The following HEPHL1 variants were observed in gnomAD, a reference collection of about 807,000 sequenced individuals.
The protein encoded by HEPHL1 is ferroxidase HEPHL1.
HEPHL1 carries 123 observed loss-of-function variants against 122.0 expected under a neutral mutation model. The ratio of observed to expected loss-of-function variants is 1.01; its 90% CI spans 0.87 to 1.17. The LOEUF is 1.17. Among genes scored for constraint, HEPHL1 ranks in the 50% most tolerant of loss-of-function variants. The probability of loss-of-function intolerance (pLI) is 0.00; values close to 1 mark genes in which losing one functional copy is unlikely to be tolerated. For synonymous variants in HEPHL1, 527 were observed against 508.9 expected (o/e 1.04, Z -0.48); for missense variants, 1,452 against 1,430.5 (o/e 1.01, Z -0.24).
At chr11:94,037,814 T>C (rs1310859908) in intron 1 of HEPHL1, among the ~76,000 whole-genome samples, 1 of 151,686 alleles carries the variant, frequency 6.6e-6, no homozygotes, top group Non-Finnish European at 1.5e-5. Context: ...GCAGAGCGCC[T>C]CTCCTCCTCC....
At chr11:94,072,919 C>A in intron 6 of HEPHL1, 106 bp from the exon 7 acceptor site, 3 of 1,020,740 alleles carry the variant, frequency 2.9e-6, no homozygotes, top group Non-Finnish European at 4.3e-6. Context: ...TTTCTGGGGA[C>A]ATGGGTGGGC....
chr11:94,037,204 G>A (rs539166435), intron 1 of HEPHL1, among the ~76,000 whole-genome samples: 2 of 152,326 alleles, frequency 1.3e-5, no homozygotes, highest in South Asian at 4.1e-4. Context: ...CCCGCACCTG[G>A]CTCAGAGGGT....
intron 17 of HEPHL1, among the ~76,000 whole-genome samples, chr11:94,108,840 C>T (rs1413800771): frequency 1.3e-5 from 2 of 152,036 alleles, no homozygotes; most frequent in Non-Finnish European, 2.9e-5. Context: ...ATTGTTTTAG[C>T]TATTCTAGAT....
chr11:94,032,222 T>C (rs1229085454), intron 1 of HEPHL1, among the ~76,000 whole-genome samples: 1 of 152,200 alleles, frequency 6.6e-6, no homozygotes, highest in Non-Finnish European at 1.5e-5. Context: ...CAGTGGCCTT[T>C]AGATCTGAGA....
At chr11:94,101,998 G>A (rs1234656110) in intron 14 of HEPHL1, among the ~76,000 whole-genome samples, 1 of 152,130 alleles carries the variant, frequency 6.6e-6, no homozygotes, top group Admixed American at 6.5e-5. Context: ...TGTTATAATT[G>A]TCATATTTTA....
chr11:94,101,432 C>T (rs1463689925), intron 14 of HEPHL1, 97 bp downstream of exon 14: 1 of 1,198,288 alleles, frequency 8.3e-7, no homozygotes, highest in Non-Finnish European at 1.2e-6. Context: ...ATCTTAATGT[C>T]AATGTGTTTC....
chr11:94,086,686 C>T (rs985678842), intron 11 of HEPHL1, among the ~76,000 whole-genome samples: 4 of 152,088 alleles, frequency 2.6e-5, no homozygotes, highest in Non-Finnish European at 5.9e-5. Flanking sequence ...TGTTGGGCAC[C>T]CTTGGTTTCC....
intron 2 of HEPHL1, 30 bp downstream of exon 2, chr11:94,045,947 T>C (rs1013293606): frequency 2.1e-5 from 33 of 1,600,156 alleles, no homozygotes; most frequent in Non-Finnish European, 2.6e-5. Context: ...TACTGGGGTC[T>C]TGTCTCTATT....
chr11:94,033,816 A>G (rs1046515635), intron 1 of HEPHL1, among the ~76,000 whole-genome samples: 2 of 152,198 alleles, frequency 1.3e-5, no homozygotes, highest in African/African-American at 4.8e-5. Flanking sequence ...GGATGTTTAA[A>G]GGGGTATTGT....
chr11:94,093,551 A>G lies in HEPHL1; in HGVS notation c.2345A>G (p.Tyr782Cys), dbSNP rs1322428077. 1 of 1,613,790 alleles carries G rather than the reference A, an allele frequency of 6.2e-7. No homozygotes were observed. Among genetic ancestry groups the G allele is most frequent in the South Asian group, 1.1e-5 (1 of 91,072 alleles). ...ACTGAAAATTGGATTGGCTCTCAGT[A>G]CAAGAAGGTGGTTTACAGGGAATAT... ...NRTENWIGSQ[Y>C]KKVVYREYTD... Residue 782 changes from tyrosine (Y) to cysteine (C), a missense_variant, in exon 13 of 20, where the codon TAC becomes TGC. Tyr to Cys is a radical substitution (Grantham distance 194). Coordinates refer to ENST00000315765, the MANE Select transcript of HEPHL1 (RefSeq NM_001098672.2).
intron 10 of HEPHL1, 120 bp downstream of exon 10, chr11:94,082,688 T>G: frequency 1.1e-6 from 1 of 905,414 alleles, no homozygotes; most frequent in Non-Finnish European, 1.6e-6. Flanking sequence ...TGGTCATGAG[T>G]AAGTTATTTC....
chr11:94,034,647 G>A (rs1432923085), intron 1 of HEPHL1, among the ~76,000 whole-genome samples: 1 of 152,186 alleles, frequency 6.6e-6, no homozygotes, highest in Non-Finnish European at 1.5e-5. Flanking sequence ...AAAGAAGGGA[G>A]AGCAATGCAG....
At chr11:94,077,336 A>G (rs1043367494) in intron 9 of HEPHL1, among the ~76,000 whole-genome samples, 1 of 152,118 alleles carries the variant, frequency 6.6e-6, no homozygotes, top group African/African-American at 2.4e-5. Flanking sequence ...CATGCATTGC[A>G]TTGAGCTGTC....
intron 2 of HEPHL1, chr11:94,055,964 G>T: frequency 7.6e-7 from 1 of 1,312,212 alleles, no homozygotes; most frequent in Middle Eastern, 2.7e-4. Flanking sequence ...CTAACACTTT[G>T]GCAGCCATGT....
At chr11:94,037,049 T>A (rs1445496840) in intron 1 of HEPHL1, among the ~76,000 whole-genome samples, 1 of 152,132 alleles carries the variant, frequency 6.6e-6, no homozygotes, top group Non-Finnish European at 1.5e-5. Context: ...AGGCATTGCC[T>A]CACCTGGGAA....
At chr11:94,110,427 G>A (rs796489830) in intron 17 of HEPHL1, among the ~76,000 whole-genome samples, 17 of 152,152 alleles carry the variant, frequency 1.1e-4, no homozygotes, top group Non-Finnish European at 2.4e-4. Context: ...TTACTGATAT[G>A]GTTGTTAACT....
chr11:94,077,050 T>G (rs1427071712), intron 9 of HEPHL1, among the ~76,000 whole-genome samples: 2 of 152,206 alleles, frequency 1.3e-5, no homozygotes, highest in East Asian at 3.8e-4. Context: ...TCATCAACAT[T>G]TGATCTCATT....
At chr11:94,059,938 T>G (rs531301957) in intron 2 of HEPHL1, among the ~76,000 whole-genome samples, 2 of 151,920 alleles carry the variant, frequency 1.3e-5, no homozygotes, top group East Asian at 3.9e-4. Flanking sequence ...AATCGAAACT[T>G]CGAGACAAGT....
chr11:94,082,825 A>G (rs111622868), intron 10 of HEPHL1, among the ~76,000 whole-genome samples: 4 of 152,306 alleles, frequency 2.6e-5, no homozygotes, highest in African/African-American at 7.2e-5. Flanking sequence ...GGCCAGGCAC[A>G]GTGGCTAACA....
Sources: gnomAD v4.1 joint callset for allele counts (sites outside exome capture counted in the v4.1 genomes callset) on GRCh38, gnomAD v4.1.1 for gene constraint, MANE v1.5 for transcripts, NCBI Gene and HGNC (gene_info 2026-07-23, HGNC 2026-07-21) for gene names.